PLAAT1: variants seen among roughly 807,000 people sequenced by gnomAD.
PLAAT1 encodes H-REV107 protein-related protein.
Under a neutral mutation model 16.4 loss-of-function variants are expected in PLAAT1, and 13 were observed. The observed-to-expected ratio is 0.79, with a 90% CI of 0.52 to 1.26. PLAAT1 has a LOEUF of 1.26. Among genes scored for constraint, PLAAT1 ranks in the 50% most tolerant of loss-of-function variants. The pLI is 0.00. For synonymous variants in PLAAT1, 73 were observed against 78.4 expected (o/e 0.93, Z 0.36); for missense variants, 218 against 207.8 (o/e 1.05, Z -0.30).
intron 1 of PLAAT1, among the ~76,000 whole-genome samples, chr3:193,245,757 C>A (rs1715960246): frequency 6.6e-6 from 1 of 152,148 alleles, no homozygotes; most frequent in South Asian, 2.1e-4. Context: ...CACATTGTGG[C>A]TTTAATTTGC....
intron 1 of PLAAT1, among the ~76,000 whole-genome samples, chr3:193,244,970 A>G (rs1715924958): frequency 2.6e-5 from 4 of 152,226 alleles, no homozygotes; most frequent in Admixed American, 2.0e-4. Flanking sequence ...ATTCAGTTTC[A>G]ACATGCATTT....
At chr3:193,278,131 T>G (rs1675774741), downstream of PLAAT1, among the ~76,000 whole-genome samples, 1 of 152,178 alleles carries the variant, frequency 6.6e-6, no homozygotes, top group Non-Finnish European at 1.5e-5. Flanking sequence ...TGCAATGGTC[T>G]TCTCCCCTAG....
intron 2 of PLAAT1, among the ~76,000 whole-genome samples, chr3:193,259,671 A>G (rs1044468966): frequency 6.6e-6 from 1 of 152,208 alleles, no homozygotes; most frequent in African/African-American, 2.4e-5. Flanking sequence ...CCAACCAAGA[A>G]GGTGAAAGAT....
At chr3:193,258,766 A>C (rs143037638) in intron 2 of PLAAT1, among the ~76,000 whole-genome samples, 1 of 152,102 alleles carries the variant, frequency 6.6e-6, no homozygotes, top group Non-Finnish European at 1.5e-5. Flanking sequence ...ATAATAATAA[A>C]AAAACTACCA....
chr3:193,243,716 T>TG, intron 1 of PLAAT1, among the ~76,000 whole-genome samples: 1 of 152,192 alleles, frequency 6.6e-6, no homozygotes, highest in East Asian at 1.9e-4. Context: ...CTGTGCGACT[T>TG]TAGGTCTGGC....
intron 1 of PLAAT1, among the ~76,000 whole-genome samples, chr3:193,255,287 T>G (rs1199077955): frequency 6.6e-6 from 1 of 152,178 alleles, no homozygotes; most frequent in African/African-American, 2.4e-5. Context: ...AATAGACCAT[T>G]TTTTAATATT....
intron 2 of PLAAT1, among the ~76,000 whole-genome samples, 187 bp from the exon 3 acceptor site, chr3:193,262,783 T>TACTGCTAAGC (rs1208985776): frequency 1.3e-5 from 2 of 152,194 alleles, no homozygotes; most frequent in African/African-American, 4.8e-5. Flanking sequence ...ACTCATACAA[T>TACTGCTAAGC]AGTAAGTGTT....
intron 1 of PLAAT1, among the ~76,000 whole-genome samples, chr3:193,245,340 G>T (rs1247489107): frequency 6.6e-6 from 1 of 152,092 alleles, no homozygotes; most frequent in Non-Finnish European, 1.5e-5. Flanking sequence ...GTGTTCCTCA[G>T]TTCCATCCAT....
At chr3:193,263,917 C>T (rs1716684018) in intron 3 of PLAAT1, among the ~76,000 whole-genome samples, 1 of 151,776 alleles carries the variant, frequency 6.6e-6, no homozygotes. Flanking sequence ...TCCCACCAGT[C>T]CAGTAAACTA....
At chr3:193,281,241 A>G (rs1717481283), downstream of PLAAT1, 1 of 984,260 alleles carries the variant, frequency 1.0e-6, no homozygotes, top group South Asian at 4.7e-5. Context: ...GACGCCTGAA[A>G]GGTCTGTTCT....
chr3:193,277,237 C>T (rs866050233), intron 2 of PLAAT1, among the ~76,000 whole-genome samples: 59 of 152,288 alleles, frequency 3.9e-4, no homozygotes, highest in African/African-American at 1.4e-3. Context: ...GGAATTCATT[C>T]TTTAAGGAGG....
chr3:193,262,927 G>A (rs1716637630), intron 2 of PLAAT1, 43 bp from the exon 3 acceptor site: 1 of 1,599,064 alleles, frequency 6.3e-7, no homozygotes, highest in Non-Finnish European at 8.5e-7. Context: ...GAGTTCATTG[G>A]ACTGGGTCAC....
intron 1 of PLAAT1, among the ~76,000 whole-genome samples, chr3:193,254,557 GA>G (rs1716306772): frequency 6.6e-6 from 1 of 152,040 alleles, no homozygotes; most frequent in Non-Finnish European, 1.5e-5. Context: ...TCCATACATA[GA>G]AAATATAACC....
downstream of PLAAT1, chr3:193,275,325 A>G: frequency 1.2e-6 from 2 of 1,609,228 alleles, no homozygotes; most frequent in South Asian, 1.1e-5. Flanking sequence ...ATGGGAAAAC[A>G]ATCAATTTAT....
intron 2 of PLAAT1, among the ~76,000 whole-genome samples, chr3:193,261,157 C>T (rs764969597): frequency 2.6e-5 from 4 of 152,108 alleles, no homozygotes; most frequent in Non-Finnish European, 5.9e-5. Context: ...CAGTTGAGGT[C>T]AGGAGTTCAA....
chr3:193,257,112 A>G (rs940383251), intron 2 of PLAAT1, among the ~76,000 whole-genome samples: 2 of 152,160 alleles, frequency 1.3e-5, no homozygotes, highest in Non-Finnish European at 2.9e-5. Context: ...ACTGATGACC[A>G]TAAGCAGCTT....
chr3:193,270,115 A>G (rs1449650118), intron 3 of PLAAT1, among the ~76,000 whole-genome samples: 3 of 143,694 alleles, frequency 2.1e-5, no homozygotes, highest in Non-Finnish European at 4.5e-5. Context: ...CTCTTACACG[A>G]TACTTACTTT....
chr3:193,245,674 C>CT (rs1471694093), intron 1 of PLAAT1, among the ~76,000 whole-genome samples: 1 of 152,156 alleles, frequency 6.6e-6, no homozygotes, highest in Non-Finnish European at 1.5e-5. Flanking sequence ...CAAGGGTTTC[C>CT]TTTTCTCCAC....
At chr3:193,277,993 G>A (rs546145010), downstream of PLAAT1, among the ~76,000 whole-genome samples, 341 of 152,156 alleles carry the variant, frequency 2.2e-3, 3 homozygotes, top group South Asian at 9.5e-3. Flanking sequence ...TAGTAGAGAC[G>A]GGGTTTTACC....
Sources: allele counts gnomAD v4.1 joint callset (sites outside exome capture counted in the v4.1 genomes callset), GRCh38; gene constraint gnomAD v4.1.1; transcripts MANE v1.5; gene names NCBI Gene and HGNC (gene_info 2026-07-23, HGNC 2026-07-21).